The following CLIP4 variants were observed in gnomAD, a reference collection of about 807,000 sequenced individuals.
CLIP4 encodes the protein CAP-Gly domain-containing linker protein 4.
CLIP4 carries 47 observed loss-of-function variants against 73.1 expected under a neutral mutation model. The ratio of observed to expected loss-of-function variants is 0.64; its 90% confidence interval spans 0.51 to 0.82. The LOEUF is 0.82. CLIP4 is among the 40% of genes least tolerant of loss of function. CLIP4 has a pLI of 0.00. For missense variants in CLIP4, 874 were observed against 852.9 expected (o/e 1.02, Z -0.31); for synonymous variants, 306 against 295.4 (o/e 1.04, Z -0.37).
chr2:29,169,110 G>C (rs920452088), intron 14 of CLIP4, among the ~76,000 whole-genome samples: 5 of 152,040 alleles, frequency 3.3e-5, no homozygotes, highest in African/African-American at 1.2e-4. Flanking sequence ...TTTTAATTTG[G>C]AATTTTCTAA....
chr2:29,163,851 C>G lies in CLIP4; in HGVS notation c.1555C>G (p.Leu519Val). The G allele has an allele frequency of 3.7e-6, 6 of 1,613,416 alleles. No homozygotes were observed. Among genetic ancestry groups the G allele is most frequent in the Non-Finnish European group, 5.1e-6 (6 of 1,179,556 alleles). ...FAPGYWYGIE[L>V]EKPHGKNDGS... is the part of the protein sequence containing the mutation. ...TCTAGGATATTGGTATGGTATAGAG[C>G]TTGAAAAACCCCATGGCAAGAATGA... Residue 519 changes from leucine to valine, a missense_variant, in exon 13 of 16, where the codon CTT becomes GTT. Leu to Val is a conservative substitution (Grantham distance 32). Transcript: ENST00000320081.
intron 4 of CLIP4, among the ~76,000 whole-genome samples, chr2:29,133,054 G>C (rs1665090810): frequency 6.6e-6 from 1 of 152,094 alleles, no homozygotes; most frequent in African/African-American, 2.4e-5. Context: ...CAACCATGGT[G>C]GTGCATGCCT....
At chr2:29,133,600 C>A (rs1348947697) in intron 4 of CLIP4, 55 bp from the exon 5 acceptor site, 1 of 1,526,306 alleles carries the variant, frequency 6.6e-7, no homozygotes, top group Non-Finnish European at 8.9e-7. Context: ...TGGTAGCCAT[C>A]CATTGGAACT....
intron 8 of CLIP4, among the ~76,000 whole-genome samples, chr2:29,145,634 A>T (rs536213791): frequency 6.6e-6 from 1 of 152,224 alleles, no homozygotes; most frequent in East Asian, 1.9e-4. Context: ...AGGGAAAAGG[A>T]TTTCAGTATA....
intron 6 of CLIP4, among the ~76,000 whole-genome samples, chr2:29,143,091 G>T (rs1242964553): frequency 6.6e-6 from 1 of 152,238 alleles, no homozygotes; most frequent in African/African-American, 2.4e-5. Context: ...AGGGGGCTGA[G>T]GTCACAGAGC....
intron 1 of CLIP4, among the ~76,000 whole-genome samples, chr2:29,116,717 T>A (rs541977558): frequency 6.6e-6 from 1 of 152,368 alleles, no homozygotes; most frequent in African/African-American, 2.4e-5. Context: ...ATGCATTTTT[T>A]AAATGCTTTC....
chr2:29,145,971 T>A (rs1666137470), intron 8 of CLIP4, among the ~76,000 whole-genome samples: 1 of 152,212 alleles, frequency 6.6e-6, no homozygotes. Context: ...CATGAGCCAC[T>A]GTGCCTGGCC....
chr2:29,164,564 T>C (rs1225321482), intron 13 of CLIP4, among the ~76,000 whole-genome samples: 2 of 152,328 alleles, frequency 1.3e-5, no homozygotes, highest in Middle Eastern at 3.4e-3. Context: ...GGTATCATTA[T>C]GTGAAATGGC....
chr2:29,174,031 T>C (rs1668176270), intron 14 of CLIP4, among the ~76,000 whole-genome samples: 1 of 152,206 alleles, frequency 6.6e-6, no homozygotes, highest in Non-Finnish European at 1.5e-5. Context: ...TTCATCTATG[T>C]GTATAGTTTG....
chr2:29,150,373 G>T (rs1363257192), intron 8 of CLIP4, among the ~76,000 whole-genome samples: 1 of 152,162 alleles, frequency 6.6e-6, no homozygotes, highest in East Asian at 1.9e-4. Context: ...GTCCTTCAGT[G>T]ACTGTTTCCT....
rs145866641 is a variant in CLIP4 at position 29,117,839 on chromosome 2, G to A, written c.-16+2174G>A. On this transcript the variant is annotated intron_variant, in intron 1 of 15. Transcript: ENST00000320081. ...AGGCTGTAATTTATATGAGGGCAAG[G>A]ACAGATCTGGTTTCTTTACCTTTGC... Among the ~76,000 whole-genome samples the A allele has an allele frequency of 1.7e-3, 255 of 152,302 alleles. 1 individual carries two copies. Among genetic ancestry groups the A allele is most frequent in the African/African-American group, 5.8e-3 (243 of 41,552 alleles).
At chr2:29,178,773 A>G (rs545942401) in intron 15 of CLIP4, among the ~76,000 whole-genome samples, 1 of 151,942 alleles carries the variant, frequency 6.6e-6, no homozygotes, top group South Asian at 2.1e-4. Context: ...CTCTGCATAT[A>G]TGTGTGTGTG....
chr2:29,155,430 G>T lies in CLIP4; in HGVS notation c.1166-924G>T, dbSNP rs188084196. ...TACACACACACACACACACACAAGA[G>T]TACAAGCAGAACTGTGGAAATCTCA... On this transcript the variant is annotated intron_variant, in intron 9 of 15. Transcript: ENST00000320081. Among the ~76,000 whole-genome samples, 101 of 151,308 alleles carry T rather than the reference G, an allele frequency of 6.7e-4. 2 individuals are homozygous for T. Among genetic ancestry groups the T allele is most frequent in the Admixed American group, 6.6e-3 (101 of 15,204 alleles).
At chr2:29,149,638 T>C (rs1035567747) in intron 8 of CLIP4, among the ~76,000 whole-genome samples, 4 of 151,868 alleles carry the variant, frequency 2.6e-5, no homozygotes, top group Non-Finnish European at 5.9e-5. Context: ...TCAGTTAGCC[T>C]GAGTAACTGA....
At position 29,160,408 on chromosome 2, in the gene CLIP4, T is replaced by C; in HGVS notation, c.1475T>C (p.Leu492Ser). ...GAACTCCGCCTCGGAGAGAGAGTGT[T>C]AGTGGTAGGACAGAGACTGGGCACC... Reference protein sequence around the residue: ...EGELRLGERVLVVGQRLGTIR... With the variant: ...EGELRLGERVSVVGQRLGTIR... Residue 492 changes from leucine (L) to serine (S), a missense_variant, in exon 12 of 16, where the codon TTA becomes TCA. Physicochemically the swap from Leu to Ser is moderately radical, Grantham distance 145. Coordinates refer to ENST00000320081, the MANE Select transcript of CLIP4 (RefSeq NM_024692.6). The C allele has an allele frequency of 6.2e-7, 1 of 1,614,148 alleles. No individual in the cohort carries two copies. The highest frequency in any genetic ancestry group is 8.5e-7 in the Non-Finnish European group (1 of 1,180,012).
chr2:29,136,736 A>C (rs1440722986), intron 6 of CLIP4, among the ~76,000 whole-genome samples: 1 of 152,058 alleles, frequency 6.6e-6, no homozygotes. Context: ...TTAGGCAGAG[A>C]GAGTAGCGTG....
intron 10 of CLIP4, among the ~76,000 whole-genome samples, chr2:29,156,650 C>T (rs762109689): frequency 1.3e-5 from 2 of 152,108 alleles, no homozygotes; most frequent in Non-Finnish European, 2.9e-5. Flanking sequence ...CATTATGATT[C>T]TTTTACTTAA....
rs755698672 is a variant in CLIP4, at chr2:29,157,249, TG to T, written c.1303del (p.Glu435AsnfsTer20). 1 of 1,613,976 alleles carries T rather than the reference TG, an allele frequency of 6.2e-7. No homozygotes were observed. Among genetic ancestry groups the T allele is most frequent in the African/African-American group, 1.3e-5 (1 of 74,904 alleles). On this transcript the variant is annotated frameshift_variant, in exon 11 of 16. Coordinates refer to ENST00000320081, the MANE Select transcript of CLIP4 (RefSeq NM_024692.6). LOFTEE classifies it high-confidence loss of function. Reference protein sequence around the residue: ...SVSSCSSTSSLEHRQSYPKKQ... With the variant: ...SVSSCSSTSSXEHRQSYPKKQ... ...AGCAGCTGCTCCTCTACATCTTCTT[TG>T]GAACACAGACAGAGCTACCCCAAGA...
intron 2 of CLIP4, among the ~76,000 whole-genome samples, chr2:29,125,896 C>T (rs565656931): frequency 3.9e-5 from 6 of 152,256 alleles, no homozygotes; most frequent in South Asian, 4.1e-4. Flanking sequence ...TTTTTTAGGC[C>T]GGGCTTGGTA....
Sources: allele counts gnomAD v4.1 joint callset (sites outside exome capture counted in the v4.1 genomes callset), GRCh38; gene constraint gnomAD v4.1.1; transcripts MANE v1.5; gene names NCBI Gene and HGNC (gene_info 2026-07-23, HGNC 2026-07-21).